CD5: variants seen among roughly 807,000 people sequenced by gnomAD.
CD5 encodes the protein CD5 molecule.
A neutral mutation model predicts 60.3 loss-of-function variants in CD5; 36 were observed. The ratio of observed to expected loss-of-function variants is 0.60; its 90% CI spans 0.46 to 0.79. The LOEUF (loss-of-function observed/expected upper bound fraction) is 0.79. CD5 is among the 30% of genes least tolerant of loss of function. The pLI is 0.00. For missense variants in CD5, 540 were observed against 630.6 expected, an observed-to-expected ratio of 0.86 and a Z score of 1.54; for synonymous variants, 230 against 257.6, an observed-to-expected ratio of 0.89 and a Z score of 1.03.
chr11:61,123,961 C>T (rs1325594446), intron 8 of CD5, 24 bp downstream of exon 8: 2 of 1,597,648 alleles, frequency 1.3e-6, no homozygotes, highest in East Asian at 2.2e-5. Context: ...GAGGCAGGAG[C>T]CTCCCTCAGG....
At position 61,121,910 on chromosome 11, in the gene CD5, T is replaced by C; in HGVS notation, c.1099+6T>C. On this transcript the variant is annotated splice_donor_region_variant and intron_variant, in intron 6 of 10. Transcript: ENST00000347785. Reference sequence around the variant, plus strand: ...CAAGAAGGTGTTTGTCACATGTGAGTTGGCCACAGCCCACAGTGGGTGGAA... The same window carrying C: ...CAAGAAGGTGTTTGTCACATGTGAGCTGGCCACAGCCCACAGTGGGTGGAA... 1 of 1,528,124 alleles carries C rather than the reference T, an allele frequency of 6.5e-7. No individual in the cohort carries two copies. 94.7% of individuals were successfully genotyped at this position (1,528,124 alleles called of 1,614,324 possible).
At chr11:61,112,386 G>A (rs918798706) in intron 1 of CD5, among the ~76,000 whole-genome samples, 6 of 152,200 alleles carry the variant, frequency 3.9e-5, no homozygotes, top group Non-Finnish European at 7.3e-5. Context: ...GCTCATGCTT[G>A]TAATCCCAGC....
upstream of CD5, among the ~76,000 whole-genome samples, chr11:61,097,891 C>T (rs1860605323): frequency 6.6e-6 from 1 of 152,114 alleles, no homozygotes; most frequent in African/African-American, 2.4e-5. Flanking sequence ...ATCAGCAGAG[C>T]CTTGACTATT....
Position 61,118,565 on chromosome 11 carries a change from G to C in CD5, c.400+85G>C. 1 of 1,392,022 alleles carries C rather than the reference G, an allele frequency of 7.2e-7. No individual in the cohort carries two copies. The highest frequency in any genetic ancestry group is 1.4e-5 in the African/African-American group (1 of 70,196). 86.2% of individuals were successfully genotyped at this position (1,392,022 alleles called of 1,614,324 possible). A position where few individuals can be genotyped will look rare whatever the true frequency, so the allele number is the denominator to read the frequency against. Reference sequence around the variant, plus strand: ...GCCCGAGGCCTGTGATCTAGGGTCTGAGCAGGCTGGTGGAAGGGGTGGGGG... The same window carrying C: ...GCCCGAGGCCTGTGATCTAGGGTCTCAGCAGGCTGGTGGAAGGGGTGGGGG... On this transcript the variant is annotated intron_variant, in intron 3 of 10. Coordinates refer to ENST00000347785, the MANE Select transcript of CD5 (RefSeq NM_014207.4). The surrounding 1 kb of genome is among the most constrained non-coding windows in gnomAD (Gnocchi z 4.7).
chr11:61,107,263 C>A (rs910731757), intron 1 of CD5, among the ~76,000 whole-genome samples: 10 of 152,144 alleles, frequency 6.6e-5, no homozygotes, highest in African/African-American at 2.4e-4. Context: ...AGAGGGGCCT[C>A]CAGCTGCAGG....
intron 4 of CD5, 107 bp downstream of exon 4, chr11:61,119,084 G>T (rs1861010838): frequency 8.4e-7 from 1 of 1,195,396 alleles, no homozygotes; most frequent in South Asian, 1.4e-5. Context: ...TTTAGTATTG[G>T]TGTGTTCTAC....
rs548546843 is a variant in CD5, at chr11:61,119,124, G to A, written c.464-110G>A. On this transcript the variant is annotated intron_variant, in intron 4 of 10. Coordinates refer to ENST00000347785, the MANE Select transcript of CD5 (RefSeq NM_014207.4). The stretch of plus-strand genomic sequence containing the variant: ...TATTTGGGACCCCATCACCTCCCAA[G>A]GCTAAGCGTTAGTCAGTAGTTGTCC... 30 of 1,214,000 alleles carry A rather than the reference G, an allele frequency of 2.5e-5. 2 individuals carry two copies. In the African/African-American group the frequency reaches 3.9e-4, roughly 16 times the overall value. 75.2% of individuals were successfully genotyped at this position (1,214,000 alleles called of 1,614,324 possible). A position where few individuals can be genotyped will look rare whatever the true frequency, so the allele number is the denominator to read the frequency against.
intron 1 of CD5, among the ~76,000 whole-genome samples, chr11:61,102,920 C>T (rs915639683): frequency 4.6e-5 from 7 of 152,224 alleles, no homozygotes; most frequent in Non-Finnish European, 5.9e-5. Context: ...GCCCAGACAA[C>T]TTGATTCCTA....
At chr11:61,094,046 C>A in the CD5 span, among the ~76,000 whole-genome samples, 1 of 152,172 alleles carries the variant, frequency 6.6e-6, no homozygotes, top group South Asian at 2.1e-4. Context: ...GCTTGTCCTG[C>A]TACATTTCTT....
At chr11:61,100,027 CACACACACGACA>C (rs1860640896), upstream of CD5, among the ~76,000 whole-genome samples, 2 of 146,212 alleles carry the variant, frequency 1.4e-5, no homozygotes, top group African/African-American at 2.6e-5. Flanking sequence ...ATGGAGATCA[CACACACACGACA>C]TGGAGATCAC....
intron 1 of CD5, among the ~76,000 whole-genome samples, chr11:61,106,148 A>G (rs481507): frequency 1.4e-5 from 2 of 138,886 alleles, no homozygotes; most frequent in African/African-American, 5.3e-5. Flanking sequence ...AAAAAAAGGC[A>G]CCCGAAATAT....
At chr11:61,108,923 C>T (rs1453665923) in intron 1 of CD5, among the ~76,000 whole-genome samples, 1 of 152,200 alleles carries the variant, frequency 6.6e-6, no homozygotes, top group Non-Finnish European at 1.5e-5. Flanking sequence ...TTATTATCAT[C>T]GGTCATTATC....
intron 8 of CD5, 91 bp downstream of exon 8, chr11:61,124,028 C>CTCCGT: frequency 8.8e-6 from 9 of 1,017,574 alleles, no homozygotes; most frequent in Non-Finnish European, 1.4e-5. Flanking sequence ...ACAGACGGAG[C>CTCCGT]CTGTGGCTGC....
At chr11:61,122,792 G>A in intron 6 of CD5, 115 bp from the exon 7 acceptor site, 6 of 1,160,168 alleles carry the variant, frequency 5.2e-6, no homozygotes, top group Non-Finnish European at 7.3e-6. Flanking sequence ...GTGCATGCTG[G>A]TGAATTTCTC....
intron 10 of CD5, 72 bp from the exon 11 acceptor site, chr11:61,126,216 G>A (rs1861146950): frequency 5.7e-6 from 1 of 176,350 alleles, no homozygotes; most frequent in African/African-American, 2.4e-5. Flanking sequence ...CCAGAGCATG[G>A]GTCCTGTCCC....
chr11:61,094,142 G>T, the CD5 span, among the ~76,000 whole-genome samples: 3 of 151,904 alleles, frequency 2.0e-5, no homozygotes, highest in East Asian at 5.8e-4. Context: ...GAGCATCCCC[G>T]CGGGGAACTC....
At chr11:61,116,457 C>CCA (rs1190327267) in intron 2 of CD5, among the ~76,000 whole-genome samples, 1 of 138,604 alleles carries the variant, frequency 7.2e-6, no homozygotes, top group Non-Finnish European at 1.6e-5. Flanking sequence ...ACCACAAACA[C>CCA]CACACACACA....
In CD5 at chr11:61,118,427, A is replaced by G. The variant is rs766681333; in HGVS notation, c.347A>G (p.Asn116Ser). The G allele has an allele frequency of 6.2e-7, 1 of 1,614,170 alleles. No individual in the cohort carries two copies. The highest frequency in any genetic ancestry group is 1.7e-5 in the Admixed American group (1 of 60,018). ...TACGGACAACTGGGCTCCTTCTCCA[A>G]CTGCAGCCACAGCAGAAATGACATG... is the stretch of plus-strand genomic sequence containing the variant. The part of the protein sequence containing the change: ...ICYGQLGSFS[N>S]CSHSRNDMCH... The change falls in exon 3 of 11, where the codon AAC becomes AGC. Residue 116 changes from asparagine (N) to serine (S), a missense_variant. Asn to Ser is a conservative substitution (Grantham distance 46). Coordinates refer to ENST00000347785, the MANE Select transcript of CD5 (RefSeq NM_014207.4). The surrounding 1 kb of genome is among the most constrained non-coding windows in gnomAD (Gnocchi z 4.7).
rs1473556435 is a variant in CD5, at chr11:61,126,710, C to T, written c.*425C>T. ...TTTGTAAGTAGTGCTTTTCCTCCTT[C>T]CTGACAAATCGAGCGCTTTGGCCTC... On this transcript the variant is annotated 3_prime_UTR_variant, in exon 11 of 11. Coordinates refer to ENST00000347785, the MANE Select transcript of CD5 (RefSeq NM_014207.4). 6.6e-6 allele frequency: 1 copy of T among 152,326 alleles called. No homozygotes were observed. The highest frequency in any genetic ancestry group is 1.9e-4 in the East Asian group (1 of 5,200). The allele number at this position is 152,326 out of a possible 1,614,324, so 9.4% of individuals were successfully genotyped here. A position where few individuals can be genotyped will look rare whatever the true frequency, so the allele number is the denominator to read the frequency against.
Sources: allele counts gnomAD v4.1 joint callset (sites outside exome capture counted in the v4.1 genomes callset), GRCh38; gene constraint gnomAD v4.1.1; non-coding constraint Gnocchi (gnomAD v3.1); transcripts MANE v1.5; gene names NCBI Gene and HGNC (gene_info 2026-07-23, HGNC 2026-07-21).